KCNIP1: variants seen among roughly 807,000 people sequenced by gnomAD.
The protein encoded by KCNIP1 is potassium voltage-gated channel interacting protein 1.
A neutral mutation model predicts 33.0 loss-of-function variants in KCNIP1; 18 were observed. The observed-to-expected ratio is 0.55, with a 90% CI of 0.38 to 0.81. The LOEUF is 0.81. Ranked by LOEUF, KCNIP1 falls within the 30% of genes least tolerant of loss-of-function variation. KCNIP1 has a pLI of 0.00. For missense variants in KCNIP1, 238 were observed against 271.6 expected (o/e 0.88, Z 0.87); for synonymous variants, 93 against 98.3 (o/e 0.95, Z 0.32).
rs553980344 is a variant in KCNIP1 at position 170,568,546 on chromosome 5, C to T, written c.61+63913C>T. 3.4e-5 allele frequency among the ~76,000 whole-genome samples: 5 copies of T among 149,112 alleles called. No individual in the cohort carries two copies. In the East Asian group the frequency reaches 1.0e-3, roughly 30 times the overall value. ...AGAAAGTTCATGCCGGGTGCAGTGG[C>T]TCACACCTGTAATCCCAGCACTTTG... On this transcript the variant is annotated intron_variant, in intron 1 of 7. Coordinates refer to ENST00000328939, the MANE Select transcript of KCNIP1 (RefSeq NM_014592.4).
At chr5:170,692,347 C>T (rs536269914) in intron 1 of KCNIP1, among the ~76,000 whole-genome samples, 10 of 152,046 alleles carry the variant, frequency 6.6e-5, no homozygotes, top group African/African-American at 1.9e-4. Flanking sequence ...TCAGGCAAAG[C>T]GGGGAGTTTT....
intron 1 of KCNIP1, among the ~76,000 whole-genome samples, chr5:170,673,317 C>T (rs149752637): frequency 1.3e-5 from 2 of 152,292 alleles, no homozygotes; most frequent in Non-Finnish European, 2.9e-5. Flanking sequence ...CTAGCTGTGA[C>T]CTTTTGCAGC....
At chr5:170,496,928 C>A (rs1757322062) in intron 1 of KCNIP1, among the ~76,000 whole-genome samples, 1 of 152,142 alleles carries the variant, frequency 6.6e-6, no homozygotes, top group African/African-American at 2.4e-5. Flanking sequence ...CTTTACCCTC[C>A]TAGTCTGATC....
chr5:170,598,219 AG>A (rs1442167096), intron 1 of KCNIP1, among the ~76,000 whole-genome samples: 1 of 152,170 alleles, frequency 6.6e-6, no homozygotes, highest in East Asian at 1.9e-4. Flanking sequence ...ATGGGAGATG[AG>A]GGGAAGCCAC....
chr5:170,608,264 A>T (rs935483820), intron 1 of KCNIP1, among the ~76,000 whole-genome samples: 1 of 152,244 alleles, frequency 6.6e-6, no homozygotes, highest in Admixed American at 6.5e-5. Context: ...ATAGAAGAGC[A>T]GGAAGCACAG....
chr5:170,477,942 A>T (rs907332777), intron 1 of KCNIP1, among the ~76,000 whole-genome samples: 26 of 152,272 alleles, frequency 1.7e-4, no homozygotes, highest in Admixed American at 7.2e-4. Context: ...TGACAAAAAA[A>T]CTCCAATAGA....
At chr5:170,731,746 A>G (rs1764210412) in intron 5 of KCNIP1, among the ~76,000 whole-genome samples, 1 of 151,836 alleles carries the variant, frequency 6.6e-6, no homozygotes, top group Non-Finnish European at 1.5e-5. Context: ...CATACAGATT[A>G]GAAGAGACTA....
chr5:170,665,745 C>G (rs768717242), intron 1 of KCNIP1, among the ~76,000 whole-genome samples: 3 of 152,158 alleles, frequency 2.0e-5, no homozygotes, highest in Non-Finnish European at 2.9e-5. Context: ...TTGGCTGTGA[C>G]AGTTTCTTAG....
chr5:170,501,931 G>A (rs950402477), upstream of KCNIP1, among the ~76,000 whole-genome samples: 1 of 152,190 alleles, frequency 6.6e-6, no homozygotes, highest in East Asian at 1.9e-4. Flanking sequence ...CAGGATTCCA[G>A]GCCTCCCTGG....
At chr5:170,645,643 T>A (rs1318527815) in intron 1 of KCNIP1, among the ~76,000 whole-genome samples, 2 of 152,160 alleles carry the variant, frequency 1.3e-5, no homozygotes, top group African/African-American at 4.8e-5. Flanking sequence ...ATCTGTAGGC[T>A]ACTCATCCAA....
At chr5:170,564,660 G>C (rs539660700) in intron 1 of KCNIP1, among the ~76,000 whole-genome samples, 10 of 152,292 alleles carry the variant, frequency 6.6e-5, no homozygotes, top group Admixed American at 2.0e-4. Context: ...CTGGGACGTG[G>C]TATTGTTCTT....
chr5:170,734,347 C>T (rs574706367), intron 7 of KCNIP1, among the ~76,000 whole-genome samples: 67 of 152,228 alleles, frequency 4.4e-4, no homozygotes, highest in African/African-American at 1.6e-3. Context: ...GGCCTCAATC[C>T]CAGAGACTCT....
intron 1 of KCNIP1, chr5:170,422,588 T>G (rs2113431259): frequency 6.6e-6 from 1 of 152,304 alleles, no homozygotes; most frequent in African/African-American, 2.4e-5. Flanking sequence ...TCAGGGATGG[T>G]TAAAGATTGC....
chr5:170,634,023 G>A (rs73317388), intron 1 of KCNIP1, among the ~76,000 whole-genome samples: 11,291 of 152,186 alleles, frequency 0.074, 708 homozygotes, highest in African/African-American at 0.17. Context: ...TGAGAGGGAT[G>A]TGGTTCTGCG....
At chr5:170,723,351 T>C (rs1056516970) in intron 5 of KCNIP1, among the ~76,000 whole-genome samples, 1 of 152,158 alleles carries the variant, frequency 6.6e-6, no homozygotes, top group Non-Finnish European at 1.5e-5. Context: ...CTTCACTGCT[T>C]TGCACTTTTA....
chr5:170,557,849 C>A (rs1289264953), intron 1 of KCNIP1, among the ~76,000 whole-genome samples: 1 of 152,190 alleles, frequency 6.6e-6, no homozygotes, highest in African/African-American at 2.4e-5. Flanking sequence ...TGTGGGCTTA[C>A]TTTGAGTTTT....
intron 1 of KCNIP1, among the ~76,000 whole-genome samples, chr5:170,598,541 G>GA (rs1230987566): frequency 6.6e-6 from 1 of 152,124 alleles, no homozygotes; most frequent in Non-Finnish European, 1.5e-5. Flanking sequence ...CAAACCCCCA[G>GA]AAAAAAGCAA....
At chr5:170,570,060 C>G (rs925778931) in intron 1 of KCNIP1, among the ~76,000 whole-genome samples, 2 of 152,176 alleles carry the variant, frequency 1.3e-5, no homozygotes, top group African/African-American at 4.8e-5. Flanking sequence ...TGTTTCTGCT[C>G]CGATGCTCTA....
At chr5:170,491,887 A>T (rs1757214827) in intron 1 of KCNIP1, among the ~76,000 whole-genome samples, 1 of 152,226 alleles carries the variant, frequency 6.6e-6, no homozygotes, top group Non-Finnish European at 1.5e-5. Flanking sequence ...AATAGGGCCC[A>T]GCTCGATGGC....
Sources: allele counts gnomAD v4.1 joint callset (sites outside exome capture counted in the v4.1 genomes callset), GRCh38; gene constraint gnomAD v4.1.1; transcripts MANE v1.5; gene names NCBI Gene and HGNC (gene_info 2026-07-23, HGNC 2026-07-21).